ZNF646: variants seen among roughly 807,000 people sequenced by gnomAD.
The protein encoded by ZNF646 is zinc finger protein 646.
A neutral mutation model predicts 115.4 loss-of-function variants in ZNF646; 49 were observed. The observed-to-expected ratio is 0.42, with a 90% confidence interval of 0.34 to 0.54. ZNF646 has a LOEUF of 0.54. Among genes scored for constraint, ZNF646 ranks in the 20% least tolerant of loss-of-function variants. The pLI, the probability that ZNF646 is intolerant of heterozygous loss-of-function variation, is 0.04. For synonymous variants in ZNF646, 933 were observed against 939.0 expected (o/e 0.99, Z 0.12); for missense variants, 2,269 against 2,457.9 (o/e 0.92, Z 1.62).
In ZNF646 at chr16:31,078,610, A is replaced by G. The variant is rs1320598749; in HGVS notation, c.2286A>G (p.Glu762=). Residue 762 remains glutamate (E), a synonymous_variant, in exon 2 of 3, where the codon GAA becomes GAG. Coordinates refer to ENST00000300850, the MANE Select transcript of ZNF646 (RefSeq NM_014699.4). ...KESGGTGEGL[E]RKDASLLDNL... is the part of the protein sequence containing the mutation. ...GCGGAGGCACTGGGGAAGGACTGGA[A>G]AGGAAGGATGCCAGTTTACTTGACA... 1 of 1,613,842 alleles carries G rather than the reference A, an allele frequency of 6.2e-7. No homozygotes were observed. Among genetic ancestry groups the G allele is most frequent in the Admixed American group, 1.7e-5 (1 of 60,008 alleles).
rs1268449736 is a variant in ZNF646 at position 31,083,433 on chromosome 16, A to G, written c.*341A>G. On this transcript the variant is annotated 3_prime_UTR_variant, in exon 3 of 3. Transcript: ENST00000300850. ...TGCTACAATTTGTAACTTATTTTCT[A>G]AAGTCTATTTTGTAACAATTTATTT... The G allele has an allele frequency of 7.8e-7, 1 of 1,279,622 alleles. No homozygotes were observed. Among genetic ancestry groups the G allele is most frequent in the African/African-American group, 1.5e-5 (1 of 64,714 alleles). 79.3% of individuals were successfully genotyped at this position (1,279,622 alleles called of 1,614,324 possible).
At position 31,080,872 on chromosome 16, in the gene ZNF646, G is replaced by A. The variant is rs752678733; in HGVS notation, c.4548G>A (p.Trp1516Ter). ...CTACTCTGAGTCACATGGATAGCTG[G>A]GACAACAGAGACAACAGCTCTCAGC... is the stretch of plus-strand genomic sequence containing the variant. ...NGPTLSHMDS[W>*]DNRDNSSQLQ... is the part of the protein sequence containing the mutation. The change falls in exon 2 of 3, where the codon TGG (tryptophan) becomes TGA (stop). Residue 1516 changes from tryptophan (W) to a stop codon, truncating the protein, a stop_gained. Coordinates refer to ENST00000300850, the MANE Select transcript of ZNF646 (RefSeq NM_014699.4). LOFTEE classifies it high-confidence loss of function. 1 of 1,614,110 alleles carries A rather than the reference G, an allele frequency of 6.2e-7. No individual in the cohort carries two copies. The highest frequency in any genetic ancestry group is 2.2e-5 in the East Asian group (1 of 44,878).
Position 31,081,628 on chromosome 16 carries a change from C to T in ZNF646, c.5304C>T (p.Arg1768=), listed in dbSNP as rs1425389333. The change falls in exon 2 of 3, where the codon CGC becomes CGT. Residue 1768 remains arginine (R), a synonymous_variant. Coordinates refer to ENST00000300850, the MANE Select transcript of ZNF646 (RefSeq NM_014699.4). ...CTTTCACCTGCCCCCATTGTCCCCG[C>T]CACTTCCGCCGCCGAATCAGCTTCG... ...EGPFTCPHCP[R]HFRRRISFVQ... 6.7e-5 allele frequency: 108 copies of T among 1,608,628 alleles called. No homozygotes were observed. The highest frequency in any genetic ancestry group is 8.9e-5 in the Non-Finnish European group (105 of 1,177,126).
Position 31,076,951 on chromosome 16 carries a change from C to G in ZNF646, c.627C>G (p.Asn209Lys), listed in dbSNP as rs2057085141. The G allele has an allele frequency of 1.2e-6, 2 of 1,614,124 alleles. No homozygotes were observed. The highest frequency in any genetic ancestry group is 1.7e-6 in the Non-Finnish European group (2 of 1,179,970). The stretch of plus-strand genomic sequence containing the variant: ...TCCCAGCCAGCAGCCTTCTTAGCAA[C>G]TTGGAACAGTATCTGGCTGAATCAG... ...LPIPASSLLS[N>K]LEQYLAESVV... The change falls in exon 2 of 3, where the codon AAC (asparagine) becomes AAG (lysine). Residue 209 changes from asparagine (N) to lysine (K), a missense_variant. Physicochemically the swap from Asn to Lys is moderately conservative, Grantham distance 94 (BLOSUM62 0). Transcript: ENST00000300850.
rs369360952 is a variant in ZNF646, at chr16:31,078,649, A to G, written c.2325A>G (p.Pro775=). 1.9e-6 allele frequency: 3 copies of G among 1,614,074 alleles called. No homozygotes were observed. The highest frequency in any genetic ancestry group is 1.3e-5 in the African/African-American group (1 of 74,960). ...DASLLDNLDI[P]GEEGGGTHFC... is the part of the protein sequence containing the mutation. Reference sequence around the variant, plus strand: ...GTTTACTTGACAACTTGGACATCCCAGGTGAGGAAGGTGGTGGCACTCACT... The same window carrying G: ...GTTTACTTGACAACTTGGACATCCCGGGTGAGGAAGGTGGTGGCACTCACT... The change falls in exon 2 of 3, where the codon CCA becomes CCG. Residue 775 remains proline (P), a synonymous_variant. Transcript: ENST00000300850.
chr16:31,078,023 CCAG>C lies in ZNF646; in HGVS notation c.1706_1708del (p.Ala569del). 6.2e-7 allele frequency: 1 copy of C among 1,614,146 alleles called. No individual in the cohort carries two copies. Among genetic ancestry groups the C allele is most frequent in the East Asian group, 2.2e-5 (1 of 44,890 alleles). On this transcript the variant is annotated inframe_deletion, in exon 2 of 3. Coordinates refer to ENST00000300850, the MANE Select transcript of ZNF646 (RefSeq NM_014699.4). ...TGAAGAAGAGGCCACGGACATCACC[CCAG>C]CAGCAGACAAGACAGCAGCACATAT... is the stretch of plus-strand genomic sequence containing the variant.
At chr16:31,081,946 C>G (rs1185087940) in intron 2 of ZNF646, 1 of 592,898 alleles carries the variant, frequency 1.7e-6, no homozygotes, top group Non-Finnish European at 2.9e-6. Context: ...CAGGCCGAGG[C>G]TGCTACCTGG....
At position 31,076,379 on chromosome 16, in the gene ZNF646, A is replaced by C; in HGVS notation, c.55A>C (p.Ser19Arg). The C allele has an allele frequency of 6.2e-7, 1 of 1,613,466 alleles. No homozygotes were observed. The highest frequency in any genetic ancestry group is 2.2e-5 in the East Asian group (1 of 44,850). The change falls in exon 2 of 3, where the codon AGC (serine) becomes CGC (arginine). Residue 19 changes from serine (S) to arginine (R), a missense_variant. Ser to Arg is a moderately radical substitution (Grantham distance 110). Around this residue, in one of 5 missense-constraint regions of ZNF646, gnomAD observed 334 missense variants for 323.5 expected, o/e 1.03. Coordinates refer to ENST00000300850, the MANE Select transcript of ZNF646 (RefSeq NM_014699.4). ...CTCCGACTGTCAGCGCCACTTTCCCAGCCTCCCAGAGCTCTCTCGGCACCG... is the reference window on the plus strand; with the variant it reads ...CTCCGACTGTCAGCGCCACTTTCCCCGCCTCCCAGAGCTCTCTCGGCACCG... ...SCSDCQRHFP[S>R]LPELSRHREL...
intron 2 of ZNF646, chr16:31,082,084 A>C: frequency 2.7e-6 from 1 of 373,646 alleles, no homozygotes; most frequent in Middle Eastern, 7.1e-4. Flanking sequence ...CTTCCAGAGA[A>C]AAAGAGGAAG....
Position 31,077,717 on chromosome 16 carries a change from T to G in ZNF646, c.1393T>G (p.Tyr465Asp). Residue 465 changes from tyrosine (Y) to aspartate (D), a missense_variant, in exon 2 of 3, where the codon TAT becomes GAT. Tyr to Asp is a radical substitution (Grantham distance 160, BLOSUM62 -3). Coordinates refer to ENST00000300850, the MANE Select transcript of ZNF646 (RefSeq NM_014699.4). Reference sequence around the variant, plus strand: ...CACCACCACCCTGGACCATCGGCCCTATAAGTGCAGTGAGTGTGGTCGTGC... The same window carrying G: ...CACCACCACCCTGGACCATCGGCCCGATAAGTGCAGTGAGTGTGGTCGTGC... ...DPTTTLDHRP[Y>D]KCSECGRAYR... 1 of 1,614,028 alleles carries G rather than the reference T, an allele frequency of 6.2e-7. No individual in the cohort carries two copies. The highest frequency in any genetic ancestry group is 8.5e-7 in the Non-Finnish European group (1 of 1,179,992).
At chr16:31,073,231 G>C (rs936955831), upstream of ZNF646, 1 of 152,392 alleles carries the variant, frequency 6.6e-6, no homozygotes, top group Non-Finnish European at 1.5e-5. Context: ...ATGAATGGAC[G>C]GAAGGCCGAA....
chr16:31,077,424 G>A lies in ZNF646; in HGVS notation c.1100G>A (p.Gly367Asp). The A allele has an allele frequency of 4.3e-6, 7 of 1,613,092 alleles. No individual in the cohort carries two copies. Among genetic ancestry groups the A allele is most frequent in the African/African-American group, 1.3e-5 (1 of 75,064 alleles). The change falls in exon 2 of 3, where the codon GGC (glycine) becomes GAC (aspartate). Residue 367 changes from glycine (G) to aspartate (D), a missense_variant. Physicochemically the swap from Gly to Asp is moderately conservative, Grantham distance 94. This residue lies in a region of ZNF646 where 852 missense variants were observed against 900.2 expected (regional missense o/e 0.95). Coordinates refer to ENST00000300850, the MANE Select transcript of ZNF646 (RefSeq NM_014699.4). ...LSTSGELEDSGLEEYRPFRCG... is the reference protein window; with the variant it reads ...LSTSGELEDSDLEEYRPFRCG... The stretch of plus-strand genomic sequence containing the variant: ...ACCTCTGGGGAGCTGGAGGACAGTG[G>A]CCTGGAGGAATACCGGCCTTTCCGC...
rs1371500945 is a variant in ZNF646 at position 31,084,121 on chromosome 16, A to T, written c.*1029A>T. ...CAGGAGGCCCCGGGGCCACATACTT[A>T]TGTTGGCCAGGCAGCTTCCAGGCTC... On this transcript the variant is annotated 3_prime_UTR_variant, in exon 3 of 3. Coordinates refer to ENST00000300850, the MANE Select transcript of ZNF646 (RefSeq NM_014699.4). 3 of 1,574,138 alleles carry T rather than the reference A, an allele frequency of 1.9e-6. No individual in the cohort carries two copies. In the Admixed American group the frequency reaches 5.6e-5, roughly 29 times the overall value.
At position 31,081,465 on chromosome 16, in the gene ZNF646, C is replaced by T; in HGVS notation, c.5141C>T (p.Pro1714Leu). Residue 1714 changes from proline to leucine, a missense_variant, in exon 2 of 3, where the codon CCT becomes CTT. By Grantham distance (98) the Pro-to-Leu change is moderately conservative. Around this residue, in one of 5 missense-constraint regions of ZNF646, gnomAD observed 1,062 missense variants for 1,172.8 expected, o/e 0.91. Coordinates refer to ENST00000300850, the MANE Select transcript of ZNF646 (RefSeq NM_014699.4). Reference sequence around the variant, plus strand: ...TGCTCCCTCTGTCCCAAACTTCTCCCTAACCTGCTGTCTCTTAAGAACCAC... The same window carrying T: ...TGCTCCCTCTGTCCCAAACTTCTCCTTAACCTGCTGTCTCTTAAGAACCAC... ...YPCSLCPKLL[P>L]NLLSLKNHSR... The T allele has an allele frequency of 6.2e-7, 1 of 1,614,218 alleles. No homozygotes were observed. The highest frequency in any genetic ancestry group is 8.5e-7 in the Non-Finnish European group (1 of 1,180,038).
chr16:31,079,910 G>C lies in ZNF646; in HGVS notation c.3586G>C (p.Glu1196Gln), dbSNP rs772452956. 1 of 1,612,084 alleles carries C rather than the reference G, an allele frequency of 6.2e-7. No homozygotes were observed. Residue 1196 changes from glutamate to glutamine, a missense_variant, in exon 2 of 3, where the codon GAA becomes CAA. Physicochemically the swap from Glu to Gln is conservative, Grantham distance 29. Coordinates refer to ENST00000300850, the MANE Select transcript of ZNF646 (RefSeq NM_014699.4). The surrounding 1 kb of genome is among the most constrained non-coding windows in gnomAD (Gnocchi z 5.5). ...LETAEKGCQTEASSERPFSCE... is the reference protein window; with the variant it reads ...LETAEKGCQTQASSERPFSCE... ...GACTGCCGAGAAGGGCTGCCAGACT[G>C]AAGCCAGCTCTGAGCGGCCCTTCAG...
rs1457554217 is a variant in ZNF646, at chr16:31,083,155, C to A, written c.*63C>A. On this transcript the variant is annotated 3_prime_UTR_variant, in exon 3 of 3. Coordinates refer to ENST00000300850, the MANE Select transcript of ZNF646 (RefSeq NM_014699.4). ...GCGCGTGCAGGGAGGGGCTTGATCTCCACATTTTCTCAGGAGTAGTTCGGG... is the reference window on the plus strand; with the variant it reads ...GCGCGTGCAGGGAGGGGCTTGATCTACACATTTTCTCAGGAGTAGTTCGGG... The A allele has an allele frequency of 1.3e-6, 2 of 1,551,678 alleles. No individual in the cohort carries two copies. Among genetic ancestry groups the A allele is most frequent in the Non-Finnish European group, 1.7e-6 (2 of 1,153,980 alleles).
Position 31,076,698 on chromosome 16 carries a change from ACT to A in ZNF646, c.376_377del (p.Ser126LeufsTer8). 6.2e-7 allele frequency: 1 copy of A among 1,613,474 alleles called. No homozygotes were observed. Among genetic ancestry groups the A allele is most frequent in the Non-Finnish European group, 8.5e-7 (1 of 1,179,902 alleles). On this transcript the variant is annotated frameshift_variant, in exon 2 of 3. Coordinates refer to ENST00000300850, the MANE Select transcript of ZNF646 (RefSeq NM_014699.4). LOFTEE classifies it high-confidence loss of function. ...CTCCAGGGTGAGACGGTGTCCACTGACTCCTGGGGCCAAAGGCTTGGCTCTAG... is the reference window on the plus strand; with the variant it reads ...CTCCAGGGTGAGACGGTGTCCACTGACCTGGGGCCAAAGGCTTGGCTCTAG...
chr16:31,081,305 G>A lies in ZNF646; in HGVS notation c.4981G>A (p.Gly1661Arg). The change falls in exon 2 of 3, where the codon GGA (glycine) becomes AGA (arginine). Residue 1661 changes from glycine to arginine, a missense_variant. Physicochemically the swap from Gly to Arg is moderately radical, Grantham distance 125. Transcript: ENST00000300850. ...AGGAGAGAGTGTGGAGAGAGCCAGG[G>A]GAGGACAAGCGGTGACGTCCATGGC... is the stretch of plus-strand genomic sequence containing the variant. ...GPGESVERAR[G>R]GQAVTSMAAE... The A allele has an allele frequency of 6.2e-7, 1 of 1,613,904 alleles. No homozygotes were observed. The highest frequency in any genetic ancestry group is 8.5e-7 in the Non-Finnish European group (1 of 1,179,850).
rs949432904 is a variant in ZNF646, at chr16:31,076,977, T to C, written c.653T>C (p.Val218Ala). ...TTGGAACAGTATCTGGCTGAATCAG[T>C]AGTGAACTTCACAGGGGGCCAGGAG... ...SNLEQYLAES[V>A]VNFTGGQEPT... The change falls in exon 2 of 3, where the codon GTA (valine) becomes GCA (alanine). Residue 218 changes from valine (V) to alanine (A), a missense_variant. Around this residue, in one of 5 missense-constraint regions of ZNF646, gnomAD observed 334 missense variants for 323.5 expected, o/e 1.03. Coordinates refer to ENST00000300850, the MANE Select transcript of ZNF646 (RefSeq NM_014699.4). 1.2e-5 allele frequency: 19 copies of C among 1,614,028 alleles called. 1 individual carries two copies. The highest frequency in any genetic ancestry group is 1.6e-5 in the Non-Finnish European group (19 of 1,179,952).
Sources: allele counts gnomAD v4.1 joint callset, GRCh38; gene constraint gnomAD v4.1.1; regional missense constraint gnomAD v4.1.1; non-coding constraint Gnocchi (gnomAD v3.1); transcripts MANE v1.5; gene names NCBI Gene and HGNC (gene_info 2026-07-23, HGNC 2026-07-21).